Variants in DISC1 observed in about 807,000 individuals in gnomAD.
DISC1 encodes disrupted in schizophrenia 1 protein.
DISC1 carries 57 observed loss-of-function variants against 84.5 expected under a neutral mutation model. That is an observed-to-expected ratio of 0.67 (90% confidence interval 0.55 to 0.84). The LOEUF (loss-of-function observed/expected upper bound fraction) is 0.84. Among genes scored for constraint, DISC1 ranks in the 40% least tolerant of loss-of-function variants. The pLI, the probability that DISC1 is intolerant of heterozygous loss-of-function variation, is 0.00. For missense variants in DISC1, 1,000 were observed against 1,057.8 expected (o/e 0.95, Z 0.76); for synonymous variants, 411 against 415.2 (o/e 0.99, Z 0.12).
At chr1:231,697,795 T>C (rs903746307) in intron 2 of DISC1, among the ~76,000 whole-genome samples, 2 of 152,118 alleles carry the variant, frequency 1.3e-5, no homozygotes, top group African/African-American at 4.8e-5. Flanking sequence ...GGTCACCTGA[T>C]GTACACGCTT....
At chr1:232,005,326 T>C (rs1358948747) in intron 10 of DISC1, among the ~76,000 whole-genome samples, 1 of 152,114 alleles carries the variant, frequency 6.6e-6, no homozygotes, top group East Asian at 1.9e-4. Flanking sequence ...ATTCAAATAA[T>C]TGCATAGTTC....
intron 1 of DISC1, among the ~76,000 whole-genome samples, chr1:231,673,428 A>G (rs780774242): frequency 1.3e-5 from 2 of 152,042 alleles, no homozygotes; most frequent in Non-Finnish European, 2.9e-5. Context: ...GGGCTCAAGG[A>G]GGCTGGGCTA....
At chr1:231,896,661 T>C (rs1033687296) in intron 9 of DISC1, among the ~76,000 whole-genome samples, 1 of 152,142 alleles carries the variant, frequency 6.6e-6, no homozygotes, top group East Asian at 1.9e-4. Context: ...CAAAATATCT[T>C]CTGTGGTGAC....
chr1:231,926,515 A>T (rs888383079), intron 9 of DISC1, among the ~76,000 whole-genome samples: 1 of 152,158 alleles, frequency 6.6e-6, no homozygotes, highest in African/African-American at 2.4e-5. Context: ...GGCACAGGAC[A>T]TTTGGATCTA....
intron 9 of DISC1, among the ~76,000 whole-genome samples, chr1:231,860,708 A>G (rs1020863251): frequency 6.6e-5 from 10 of 152,138 alleles, no homozygotes; most frequent in Non-Finnish European, 1.5e-4. Context: ...ACTTATCACT[A>G]TCAAGCATTT....
At chr1:231,710,146 C>T (rs1175619622) in intron 3 of DISC1, among the ~76,000 whole-genome samples, 2 of 152,026 alleles carry the variant, frequency 1.3e-5, no homozygotes, top group East Asian at 1.9e-4. Context: ...AGACCAGCCT[C>T]GGCAACACTG....
intron 9 of DISC1, among the ~76,000 whole-genome samples, chr1:231,936,010 A>G (rs1374845477): frequency 6.6e-6 from 1 of 152,162 alleles, no homozygotes; most frequent in African/African-American, 2.4e-5. Context: ...GAAACTGGCC[A>G]TTCCAGGTTT....
rs1227901117 is a variant in DISC1 at position 231,795,389 on chromosome 1, G to C, written c.1689+93G>C. ...CTAGATCTTAGGATACCTGGCTTCT[G>C]CAAAAAAAGATGTAGACTTTGTCAA... On this transcript the variant is annotated intron_variant, in intron 7 of 12. Coordinates refer to ENST00000439617, the MANE Select transcript of DISC1 (RefSeq NM_018662.3). 4 of 1,141,224 alleles carry C rather than the reference G, an allele frequency of 3.5e-6. No homozygotes were observed. The East Asian group carries it at 9.8e-5, about 28-fold the overall frequency. The allele number at this position is 1,141,224 out of a possible 1,614,324, so 70.7% of individuals were successfully genotyped here.
At chr1:231,773,374 ATT>A (rs2076700140) in intron 6 of DISC1, among the ~76,000 whole-genome samples, 1 of 151,620 alleles carries the variant, frequency 6.6e-6, no homozygotes, top group South Asian at 2.1e-4. Flanking sequence ...ATAGGTTTTT[ATT>A]TGTTTGTTTG....
rs911115288 is a variant in DISC1 at position 231,957,302 on chromosome 1, T to A, written c.1982-1526T>A. Among the ~76,000 whole-genome samples, 21 of 152,302 alleles carry A rather than the reference T, an allele frequency of 1.4e-4. No homozygotes were observed. In the East Asian group the frequency reaches 2.7e-3, roughly 20 times the overall value. On this transcript the variant is annotated intron_variant, in intron 9 of 12. Coordinates refer to ENST00000439617, the MANE Select transcript of DISC1 (RefSeq NM_018662.3). The stretch of plus-strand genomic sequence containing the variant: ...TGCCCTCTTCCCTCCCTCCGCAAAC[T>A]TTTATGGAGTGTCATTTCCCCAGTG...
chr1:231,887,034 G>A (rs1345485541), intron 9 of DISC1, among the ~76,000 whole-genome samples: 2 of 151,426 alleles, frequency 1.3e-5, no homozygotes, highest in Non-Finnish European at 2.9e-5. Flanking sequence ...GCTAATTTTT[G>A]TATTTTTAGT....
intron 9 of DISC1, among the ~76,000 whole-genome samples, chr1:231,911,751 T>C (rs1010544995): frequency 6.6e-6 from 1 of 152,214 alleles, no homozygotes; most frequent in African/African-American, 2.4e-5. Flanking sequence ...TTCTCCTGGA[T>C]AATATCCTGC....
intron 12 of DISC1, among the ~76,000 whole-genome samples, chr1:232,035,619 A>G (rs1670445784): frequency 6.6e-6 from 1 of 152,142 alleles, no homozygotes; most frequent in Non-Finnish European, 1.5e-5. Flanking sequence ...CTGATCTAGT[A>G]CTGTTGTAGT....
intron 9 of DISC1, among the ~76,000 whole-genome samples, chr1:231,878,813 A>G (rs999994980): frequency 1.3e-5 from 2 of 152,172 alleles, no homozygotes; most frequent in African/African-American, 2.4e-5. Flanking sequence ...AGGCAACCCT[A>G]TCCTGACTGG....
At position 231,788,260 on chromosome 1, in the gene DISC1, G is replaced by T. The variant is rs1022727648; in HGVS notation, c.1635-6982G>T. Among the ~76,000 whole-genome samples the T allele has an allele frequency of 7.2e-5, 11 of 152,294 alleles. No individual in the cohort carries two copies. The East Asian group carries it at 2.1e-3, about 29-fold the overall frequency. ...AGATCACACCACTGCACTCCAGCCT[G>T]GGTGACAGAGTGAGACTCCATCTCA... On this transcript the variant is annotated intron_variant, in intron 6 of 12. Transcript: ENST00000439617.
At chr1:231,789,064 TA>T (rs937788342) in intron 6 of DISC1, among the ~76,000 whole-genome samples, 2 of 152,118 alleles carry the variant, frequency 1.3e-5, no homozygotes, top group African/African-American at 4.8e-5. Flanking sequence ...ACAAACATAA[TA>T]AATTAGTAAG....
chr1:231,707,689 A>G (rs1020743428), intron 3 of DISC1, among the ~76,000 whole-genome samples: 1 of 150,794 alleles, frequency 6.6e-6, no homozygotes, highest in African/African-American at 2.4e-5. Context: ...CAAGTAAAAG[A>G]AATGCATTTT....
chr1:231,841,502 G>A (rs551047009), intron 9 of DISC1, among the ~76,000 whole-genome samples: 2 of 152,284 alleles, frequency 1.3e-5, no homozygotes, highest in Admixed American at 1.3e-4. Flanking sequence ...TGGTCAGTGT[G>A]GTTGCTCTGT....
intron 11 of DISC1, among the ~76,000 whole-genome samples, chr1:232,010,626 A>G (rs1270413841): frequency 6.6e-6 from 1 of 152,208 alleles, no homozygotes; most frequent in Non-Finnish European, 1.5e-5. Context: ...AAAAATGTAC[A>G]AATGTGCTTA....
Sources: gnomAD v4.1 joint callset for allele counts (sites outside exome capture counted in the v4.1 genomes callset) on GRCh38, gnomAD v4.1.1 for gene constraint, MANE v1.5 for transcripts, NCBI Gene and HGNC (gene_info 2026-07-23, HGNC 2026-07-21) for gene names.